The following BMPR1A variants were observed in gnomAD, a reference collection of about 807,000 sequenced individuals.
BMPR1A encodes the protein bone morphogenetic protein receptor type-1A.
Under a neutral mutation model 66.0 loss-of-function variants are expected in BMPR1A, and 7 were observed. The observed-to-expected ratio is 0.11, with a 90% CI of 0.06 to 0.20. The LOEUF is 0.20. BMPR1A is among the 10% of genes least tolerant of loss of function. BMPR1A has a pLI of 1.00. For missense variants in BMPR1A, 408 were observed against 669.1 expected (o/e 0.61, Z 4.31); for synonymous variants, 200 against 229.7 (o/e 0.87, Z 1.17).
At chr10:86,780,021 T>C (rs1355070596) in intron 1 of BMPR1A, among the ~76,000 whole-genome samples, 4 of 152,200 alleles carry the variant, frequency 2.6e-5, no homozygotes, top group Non-Finnish European at 5.9e-5. Context: ...TCCTCCCACC[T>C]TGGCCTCCCG....
At chr10:86,920,170 TTA>T (rs1242165090) in intron 10 of BMPR1A, among the ~76,000 whole-genome samples, 2 of 152,224 alleles carry the variant, frequency 1.3e-5, no homozygotes, top group Non-Finnish European at 2.9e-5. Context: ...TAACCATATA[TTA>T]TATATTTGAT....
intron 2 of BMPR1A, among the ~76,000 whole-genome samples, chr10:86,839,964 G>C (rs1322683375): frequency 6.6e-6 from 1 of 151,918 alleles, no homozygotes. Flanking sequence ...ACCCAGCCCA[G>C]GATAAGATTT....
chr10:86,757,503 T>C (rs1206945806), intron 1 of BMPR1A, among the ~76,000 whole-genome samples: 1 of 152,120 alleles, frequency 6.6e-6, no homozygotes, highest in African/African-American at 2.4e-5. Flanking sequence ...GCCTGGACCC[T>C]TTTTTCTCTT....
chr10:86,865,782 G>C (rs1842778873), intron 2 of BMPR1A, among the ~76,000 whole-genome samples: 1 of 152,248 alleles, frequency 6.6e-6, no homozygotes, highest in Non-Finnish European at 1.5e-5. Flanking sequence ...TGGTCAAACT[G>C]TATGTCCTGT....
chr10:86,917,431 A>G (rs1843591556), intron 9 of BMPR1A, 105 bp downstream of exon 9: 2 of 1,379,438 alleles, frequency 1.4e-6, no homozygotes, highest in South Asian at 2.5e-5. Context: ...AACTATATAC[A>G]TTTGGCTAAA....
chr10:86,877,240 C>A (rs1332539087), intron 3 of BMPR1A, among the ~76,000 whole-genome samples: 1 of 149,676 alleles, frequency 6.7e-6, no homozygotes, highest in Non-Finnish European at 1.5e-5. Context: ...CAGAGTCTCG[C>A]TCTGTCACCG....
At chr10:86,781,756 T>C (rs1301281843) in intron 1 of BMPR1A, among the ~76,000 whole-genome samples, 1 of 152,128 alleles carries the variant, frequency 6.6e-6, no homozygotes, top group Non-Finnish European at 1.5e-5. Flanking sequence ...AGATACCTCA[T>C]GTAAGTGGAA....
At chr10:86,897,867 A>T (rs1006233510) in intron 5 of BMPR1A, among the ~76,000 whole-genome samples, 4 of 152,096 alleles carry the variant, frequency 2.6e-5, no homozygotes, top group Non-Finnish European at 5.9e-5. Flanking sequence ...CAGCTTCCCA[A>T]AGTGCTAGGA....
chr10:86,777,482 A>G (rs1056989475), intron 1 of BMPR1A, among the ~76,000 whole-genome samples: 13 of 152,072 alleles, frequency 8.5e-5, no homozygotes, highest in Non-Finnish European at 1.0e-4. Flanking sequence ...TTGGGAGGCT[A>G]AAGTGGGAGG....
intron 2 of BMPR1A, among the ~76,000 whole-genome samples, chr10:86,858,842 A>G (rs114602591): frequency 0.012 from 1,871 of 152,336 alleles, 36 homozygotes; most frequent in African/African-American, 0.041. Flanking sequence ...GAAAATGACC[A>G]TACTACCAAA....
chr10:86,899,537 A>T (rs1460245916), intron 5 of BMPR1A, among the ~76,000 whole-genome samples: 2 of 152,210 alleles, frequency 1.3e-5, no homozygotes, highest in Non-Finnish European at 2.9e-5. Context: ...TTATGATTGT[A>T]ATTACCTAAG....
intron 1 of BMPR1A, among the ~76,000 whole-genome samples, chr10:86,829,924 G>GA (rs1010607748): frequency 8.0e-5 from 12 of 150,806 alleles, no homozygotes; most frequent in African/African-American, 2.0e-4. Context: ...TGCTGTTAAA[G>GA]AAAAAAAAAT....
At chr10:86,781,727 C>T (rs1461453970) in intron 1 of BMPR1A, among the ~76,000 whole-genome samples, 3 of 152,028 alleles carry the variant, frequency 2.0e-5, no homozygotes, top group Middle Eastern at 3.4e-3. Flanking sequence ...CTTTCTGTCT[C>T]TATGAGTTTG....
chr10:86,814,635 AT>A (rs1385287134), intron 1 of BMPR1A, among the ~76,000 whole-genome samples: 4 of 151,798 alleles, frequency 2.6e-5, no homozygotes, highest in African/African-American at 4.8e-5. Flanking sequence ...GCTTTATATA[AT>A]TTTCTTAATG....
intron 1 of BMPR1A, among the ~76,000 whole-genome samples, chr10:86,788,183 G>A (rs1841545621): frequency 6.6e-6 from 1 of 152,012 alleles, no homozygotes; most frequent in South Asian, 2.1e-4. Context: ...TAAACCCAAG[G>A]CAAAATTTCT....
At chr10:86,869,758 A>G (rs1453115510) in intron 2 of BMPR1A, among the ~76,000 whole-genome samples, 1 of 117,226 alleles carries the variant, frequency 8.5e-6, no homozygotes, top group African/African-American at 2.7e-5. Flanking sequence ...ACTCTGTCTC[A>G]AAAAAAAAAA....
chr10:86,896,705 G>A (rs1326525594), intron 5 of BMPR1A, among the ~76,000 whole-genome samples: 1 of 152,064 alleles, frequency 6.6e-6, no homozygotes, highest in African/African-American at 2.4e-5. Flanking sequence ...TTCAAAATGA[G>A]GTAACAATTC....
chr10:86,918,404 A>G (rs145775864), intron 9 of BMPR1A, among the ~76,000 whole-genome samples: 11 of 152,274 alleles, frequency 7.2e-5, no homozygotes, highest in African/African-American at 2.4e-4. Flanking sequence ...CTGGCAGTCA[A>G]CGAGCCAGAC....
intron 2 of BMPR1A, chr10:86,855,079 C>A (rs1842621847): frequency 8.1e-6 from 2 of 247,988 alleles, no homozygotes; most frequent in African/African-American, 4.5e-5. Flanking sequence ...ATTACAGGCA[C>A]CTGCCTCCAC....
Sources: gnomAD v4.1 joint callset for allele counts (sites outside exome capture counted in the v4.1 genomes callset) on GRCh38, gnomAD v4.1.1 for gene constraint, MANE v1.5 for transcripts, NCBI Gene and HGNC (gene_info 2026-07-23, HGNC 2026-07-21) for gene names.